ARHGEF38: variants seen among roughly 807,000 people sequenced by gnomAD.
ARHGEF38 encodes the protein Rho guanine nucleotide exchange factor 38.
In ARHGEF38, 79 loss-of-function variants were observed where a neutral mutation model predicts 79.9. The ratio of observed to expected loss-of-function variants is 0.99; its 90% CI spans 0.82 to 1.19. The LOEUF (loss-of-function observed/expected upper bound fraction) is 1.19, where lower values mean the gene tolerates loss of function less well. Among genes scored for constraint, ARHGEF38 ranks in the 50% most tolerant of loss-of-function variants. The pLI is 0.00. For missense variants in ARHGEF38, 962 were observed against 907.2 expected, an observed-to-expected ratio of 1.06 and a Z score of -0.78; for synonymous variants, 366 against 328.3, an observed-to-expected ratio of 1.11 and a Z score of -1.24.
At chr4:105,585,468 G>T (rs1374854996) in intron 1 of ARHGEF38, among the ~76,000 whole-genome samples, 1 of 143,706 alleles carries the variant, frequency 7.0e-6, no homozygotes, top group Admixed American at 7.3e-5. Context: ...TATTATTAAT[G>T]AATTTTGTGG....
intron 3 of ARHGEF38, among the ~76,000 whole-genome samples, chr4:105,625,387 C>T (rs1444751329): frequency 6.6e-6 from 1 of 152,152 alleles, no homozygotes; most frequent in Non-Finnish European, 1.5e-5. Context: ...AAAAACAAAA[C>T]ATTACTAGCA....
chr4:105,646,966 GA>G (rs1729868696), intron 6 of ARHGEF38, among the ~76,000 whole-genome samples: 1 of 152,020 alleles, frequency 6.6e-6, no homozygotes, highest in South Asian at 2.1e-4. Context: ...AATAGATACA[GA>G]TATTATAAGC....
At chr4:105,665,550 C>A (rs982213287) in intron 10 of ARHGEF38, among the ~76,000 whole-genome samples, 1 of 152,152 alleles carries the variant, frequency 6.6e-6, no homozygotes, top group African/African-American at 2.4e-5. Flanking sequence ...GATCTTCTGG[C>A]CTCAGCTTCC....
chr4:105,636,442 A>G (rs766258086), intron 5 of ARHGEF38, 22 bp downstream of exon 5: 4 of 396,034 alleles, frequency 1.0e-5, no homozygotes, highest in Non-Finnish European at 1.6e-5. Flanking sequence ...TTAAAATAAT[A>G]TAAATCAAAT....
chr4:105,651,825 C>T (rs763079423), intron 7 of ARHGEF38, among the ~76,000 whole-genome samples: 7 of 152,160 alleles, frequency 4.6e-5, no homozygotes, highest in Non-Finnish European at 1.0e-4. Context: ...TGGCCGCTCT[C>T]TCTGTTTTAA....
At chr4:105,556,397 T>C (rs1253348379) in intron 1 of ARHGEF38, among the ~76,000 whole-genome samples, 2 of 152,044 alleles carry the variant, frequency 1.3e-5, no homozygotes, top group African/African-American at 4.8e-5. Context: ...TAAAGTGGCA[T>C]GATAGAAGTG....
chr4:105,663,865 G>C (rs1422658597), intron 10 of ARHGEF38, among the ~76,000 whole-genome samples: 1 of 151,986 alleles, frequency 6.6e-6, no homozygotes, highest in East Asian at 1.9e-4. Flanking sequence ...AGCTACTCGG[G>C]AGGCTGAGGC....
At chr4:105,639,294 T>A in intron 5 of ARHGEF38, among the ~76,000 whole-genome samples, 2 of 152,188 alleles carry the variant, frequency 1.3e-5, no homozygotes, top group Admixed American at 1.3e-4. Flanking sequence ...TTGTCTTATG[T>A]ATTATATATA....
chr4:105,676,154 C>T lies in ARHGEF38; in HGVS notation c.2149-1598C>T, dbSNP rs75295047. ...CCACACTACGCATTCTCTTTCTCTG[C>T]TTAATGAAGTAATGAAGTCATCTTA... On this transcript the variant is annotated intron_variant, in intron 13 of 13. Coordinates refer to ENST00000420470, the MANE Select transcript of ARHGEF38 (RefSeq NM_001242729.2). 4.3e-3 allele frequency among the ~76,000 whole-genome samples: 660 copies of T among 152,314 alleles called. 7 individuals are homozygous for T. Among genetic ancestry groups the T allele is most frequent in the African/African-American group, 0.015 (626 of 41,556 alleles).
chr4:105,571,323 T>C (rs1363337953), intron 1 of ARHGEF38, among the ~76,000 whole-genome samples: 1 of 258 alleles, frequency 3.9e-3, no homozygotes, highest in African/African-American at 0.023. Context: ...TTCTTTTTCT[T>C]TTTTTTTTTT....
At chr4:105,637,366 A>T (rs777978800) in intron 5 of ARHGEF38, among the ~76,000 whole-genome samples, 6 of 152,132 alleles carry the variant, frequency 3.9e-5, no homozygotes, top group Non-Finnish European at 8.8e-5. Context: ...CTGATTTTTG[A>T]GACACCAGAC....
chr4:105,587,418 T>C (rs1029505386), intron 1 of ARHGEF38, among the ~76,000 whole-genome samples: 1 of 152,224 alleles, frequency 6.6e-6, no homozygotes, highest in South Asian at 2.1e-4. Flanking sequence ...TCTCCTTGAA[T>C]AGATTATCTG....
chr4:105,655,568 C>G lies in ARHGEF38; in HGVS notation c.1114-35C>G, dbSNP rs28604956. 2.0e-3 allele frequency: 3,049 copies of G among 1,532,350 alleles called. 65 individuals carry two copies. The African/African-American group carries it at 0.037, about 19-fold the overall frequency. The allele number at this position is 1,532,350 out of a possible 1,614,324, so 94.9% of individuals were successfully genotyped here. A position where few individuals can be genotyped will look rare whatever the true frequency, so the allele number is the denominator to read the frequency against. On this transcript the variant is annotated intron_variant, in intron 8 of 13. Transcript: ENST00000420470. ...TATGTTAATTATACTGACCTCAAAACTTGCCTTTTTTGTAACTTTGTTCTT... is the reference window on the plus strand; with the variant it reads ...TATGTTAATTATACTGACCTCAAAAGTTGCCTTTTTTGTAACTTTGTTCTT...
intron 2 of ARHGEF38, among the ~76,000 whole-genome samples, chr4:105,612,100 C>A (rs895129418): frequency 6.6e-6 from 1 of 152,036 alleles, no homozygotes; most frequent in Admixed American, 6.6e-5. Flanking sequence ...ATATTGGTAT[C>A]CAATATGGAG....
At chr4:105,653,904 C>A (rs1288137878) in intron 7 of ARHGEF38, among the ~76,000 whole-genome samples, 161 bp from the exon 8 acceptor site, 1 of 152,106 alleles carries the variant, frequency 6.6e-6, no homozygotes, top group Non-Finnish European at 1.5e-5. Flanking sequence ...GTGTTATGTA[C>A]CAACAGAGAA....
chr4:105,665,897 C>A (rs2110575149), intron 10 of ARHGEF38, among the ~76,000 whole-genome samples: 1 of 152,296 alleles, frequency 6.6e-6, no homozygotes, highest in Middle Eastern at 3.4e-3. Flanking sequence ...GTACCTACTG[C>A]CATGAGCTCC....
At chr4:105,580,663 G>T (rs1390950801) in intron 1 of ARHGEF38, among the ~76,000 whole-genome samples, 1 of 152,160 alleles carries the variant, frequency 6.6e-6, no homozygotes, top group African/African-American at 2.4e-5. Context: ...CAGAGTATGT[G>T]CCGTGTGGCA....
intron 2 of ARHGEF38, among the ~76,000 whole-genome samples, chr4:105,595,388 T>A (rs1480929866): frequency 2.0e-5 from 3 of 152,212 alleles, no homozygotes; most frequent in Non-Finnish European, 4.4e-5. Flanking sequence ...TATAATTTTG[T>A]ATTGACAGGA....
intron 5 of ARHGEF38, among the ~76,000 whole-genome samples, chr4:105,638,996 C>G (rs1414859374): frequency 6.6e-6 from 1 of 151,870 alleles, no homozygotes; most frequent in Non-Finnish European, 1.5e-5. Context: ...ATTGTCAGAA[C>G]ATTTCAAAAA....
Sources: gnomAD v4.1 joint callset for allele counts (sites outside exome capture counted in the v4.1 genomes callset) on GRCh38, gnomAD v4.1.1 for gene constraint, MANE v1.5 for transcripts, NCBI Gene and HGNC (gene_info 2026-07-23, HGNC 2026-07-21) for gene names.